Variants in ZNF354A observed in about 807,000 individuals in gnomAD.
ZNF354A encodes the protein zinc finger protein 354A.
In ZNF354A, 25 loss-of-function variants were observed where a neutral mutation model predicts 53.3. The observed-to-expected ratio is 0.47, with a 90% CI of 0.34 to 0.66. ZNF354A has a LOEUF of 0.66. Among genes scored for constraint, ZNF354A ranks in the 30% least tolerant of loss-of-function variants. The pLI is 0.01. For missense variants in ZNF354A, 586 were observed against 716.8 expected, an observed-to-expected ratio of 0.82 and a Z score of 2.08; for synonymous variants, 228 against 249.0, an observed-to-expected ratio of 0.92 and a Z score of 0.79.
In ZNF354A at chr5:178,712,427, T is replaced by C; in HGVS notation, c.1451A>G (p.His484Arg). The C allele has an allele frequency of 6.2e-7, 1 of 1,613,974 alleles. No individual in the cohort carries two copies. The highest frequency in any genetic ancestry group is 8.5e-7 in the Non-Finnish European group (1 of 1,179,876). Residue 484 changes from histidine to arginine, a missense_variant, in exon 5 of 5, where the codon CAT becomes CGT. His to Arg is a conservative substitution (Grantham distance 29, BLOSUM62 0). This residue lies in a region of ZNF354A where 573 missense variants were observed against 680.1 expected (regional missense o/e 0.84). Transcript: ENST00000335815. ...AFRQSSALIQ[H>R]QRMHTGERPY... is the part of the protein sequence containing the mutation. ...TCTTTCTCCAGTATGCATTCTCTGA[T>C]GTTGAATGAGAGCTGAACTCTGTCT...
At chr5:178,729,625 C>T (rs937294060) in intron 1 of ZNF354A, among the ~76,000 whole-genome samples, 41 of 151,702 alleles carry the variant, frequency 2.7e-4, no homozygotes, top group Non-Finnish European at 2.9e-4. Flanking sequence ...GTGGCAGGAT[C>T]TCGGCTCACT....
chr5:178,724,538 T>C (rs1765869597), intron 4 of ZNF354A, among the ~76,000 whole-genome samples: 1 of 152,174 alleles, frequency 6.6e-6, no homozygotes, highest in African/African-American at 2.4e-5. Context: ...TGCCTCACTT[T>C]CAAACACGAT....
chr5:178,719,685 C>T (rs1258108212), intron 4 of ZNF354A, among the ~76,000 whole-genome samples: 3 of 152,164 alleles, frequency 2.0e-5, no homozygotes, highest in Non-Finnish European at 4.4e-5. Context: ...CGGTGGCTCA[C>T]GCCTGTAATC....
intron 4 of ZNF354A, among the ~76,000 whole-genome samples, chr5:178,718,236 C>A (rs565484156): frequency 6.6e-6 from 1 of 152,168 alleles, no homozygotes; most frequent in South Asian, 2.1e-4. Context: ...TTTCTAGAGG[C>A]CTACAAATAG....
Position 178,713,333 on chromosome 5 carries a change from C to T in ZNF354A, c.545G>A (p.Arg182Lys). 1 of 1,614,082 alleles carries T rather than the reference C, an allele frequency of 6.2e-7. No homozygotes were observed. Residue 182 changes from arginine to lysine, a missense_variant, in exon 5 of 5, where the codon AGA becomes AAA. By Grantham distance (26) the Arg-to-Lys change is conservative. Transcript: ENST00000335815. ...SVLIRQQILP[R>K]EKTPPKCEIQ... is the part of the protein sequence containing the mutation. ...TTCACATTTTGGTGGTGTTTTTTCT[C>T]TGGGAAGTATCTGTTGCCTAATAAG...
chr5:178,717,157 C>T (rs1019108891), intron 4 of ZNF354A, among the ~76,000 whole-genome samples: 1 of 151,142 alleles, frequency 6.6e-6, no homozygotes, highest in Non-Finnish European at 1.5e-5. Flanking sequence ...TCCTCTAAGG[C>T]CCAGGTCATC....
rs117585865 is a variant in ZNF354A at position 178,723,285 on chromosome 5, T to G, written c.256+2091A>C. Among the ~76,000 whole-genome samples, 97 of 152,306 alleles carry G rather than the reference T, an allele frequency of 6.4e-4. 1 individual carries two copies. The East Asian group carries it at 0.018, about 28-fold the overall frequency. ...GGCCCATGGCATAAGGGGCCATCAC[T>G]GAGCCCTCTGGACCTGACAAGCCCT... is the stretch of plus-strand genomic sequence containing the variant. On this transcript the variant is annotated intron_variant, in intron 4 of 4. Coordinates refer to ENST00000335815, the MANE Select transcript of ZNF354A (RefSeq NM_005649.3).
chr5:178,730,474 G>C (rs973179472), intron 1 of ZNF354A, 82 bp downstream of exon 1: 1 of 152,158 alleles, frequency 6.6e-6, no homozygotes, highest in Admixed American at 6.5e-5. Context: ...CGCCCACAAA[G>C]GCTTTCGGAG....
At chr5:178,722,902 G>A (rs1467186847) in intron 4 of ZNF354A, among the ~76,000 whole-genome samples, 2 of 152,184 alleles carry the variant, frequency 1.3e-5, no homozygotes, top group Non-Finnish European at 1.5e-5. Context: ...GCCGAAGCCT[G>A]TGCAGCACAA....
intron 2 of ZNF354A, among the ~76,000 whole-genome samples, 167 bp from the exon 3 acceptor site, chr5:178,727,292 G>A (rs979290954): frequency 6.6e-6 from 1 of 152,112 alleles, no homozygotes; most frequent in Non-Finnish European, 1.5e-5. Flanking sequence ...AATGTATACT[G>A]AGCAGCACAC....
chr5:178,714,068 G>A (rs376495917), intron 4 of ZNF354A, among the ~76,000 whole-genome samples: 2 of 151,506 alleles, frequency 1.3e-5, no homozygotes, highest in Admixed American at 6.6e-5. Flanking sequence ...GTGCAGTGGC[G>A]CGATCTCGGC....
chr5:178,726,157 T>C (rs1021960828), intron 3 of ZNF354A: 3 of 453,594 alleles, frequency 6.6e-6, no homozygotes, highest in African/African-American at 6.1e-5. Context: ...GACTCCCTTT[T>C]AAGGATGGCA....
At chr5:178,727,443 T>G (rs1004802705) in intron 2 of ZNF354A, among the ~76,000 whole-genome samples, 1 of 152,206 alleles carries the variant, frequency 6.6e-6, no homozygotes, top group African/African-American at 2.4e-5. Context: ...CTCTTTAAAG[T>G]ACCAATTACT....
At chr5:178,727,296 A>G (rs925108799) in intron 2 of ZNF354A, among the ~76,000 whole-genome samples, 171 bp from the exon 3 acceptor site, 1 of 152,192 alleles carries the variant, frequency 6.6e-6, no homozygotes, top group Non-Finnish European at 1.5e-5. Context: ...TATACTGAGC[A>G]GCACACAGTG....
chr5:178,719,540 G>A (rs1011023799), intron 4 of ZNF354A, among the ~76,000 whole-genome samples: 3 of 152,232 alleles, frequency 2.0e-5, no homozygotes, highest in African/African-American at 7.2e-5. Flanking sequence ...TAGCACAAGG[G>A]CTGAAGGCAG....
At chr5:178,725,982 G>A (rs1765897861) in intron 3 of ZNF354A, 1 of 291,250 alleles carries the variant, frequency 3.4e-6, no homozygotes, top group East Asian at 9.1e-5. Context: ...CAAGTAGCGG[G>A]GACTACAGGA....
Position 178,725,445 on chromosome 5 carries a change from T to A in ZNF354A, c.187A>T (p.Ile63Phe), listed in dbSNP as rs1279891667. 1.9e-6 allele frequency: 3 copies of A among 1,614,162 alleles called. No individual in the cohort carries two copies. In the South Asian group the frequency reaches 3.3e-5, roughly 18 times the overall value. The change falls in exon 4 of 5, where the codon ATC (isoleucine) becomes TTC (phenylalanine). Residue 63 changes from isoleucine to phenylalanine, a missense_variant. By Grantham distance (21) the Ile-to-Phe change is conservative. Around this residue, in one of 2 missense-constraint regions of ZNF354A, gnomAD observed 573 missense variants for 680.1 expected, o/e 0.84. Transcript: ENST00000335815. ...LGLPFTKPKV[I>F]SLLQQGEDPW... ...TCTTCTCCTTGCTGCAACAGGGAGATCACTTTTGGTTTGGTAAATGGGAGC... is the reference window on the plus strand; with the variant it reads ...TCTTCTCCTTGCTGCAACAGGGAGAACACTTTTGGTTTGGTAAATGGGAGC...
chr5:178,718,591 A>G (rs1765756479), intron 4 of ZNF354A, among the ~76,000 whole-genome samples: 2 of 152,296 alleles, frequency 1.3e-5, no homozygotes, highest in Middle Eastern at 3.4e-3. Flanking sequence ...GCCTGTCCAA[A>G]TCTGAACCCA....
At chr5:178,729,573 C>T (rs1765987445) in intron 1 of ZNF354A, among the ~76,000 whole-genome samples, 1 of 147,242 alleles carries the variant, frequency 6.8e-6, no homozygotes, top group Non-Finnish European at 1.5e-5. Flanking sequence ...TTTTTTGAGG[C>T]GGAGTCTCGC....
Sources: gnomAD v4.1 joint callset for allele counts (sites outside exome capture counted in the v4.1 genomes callset) on GRCh38, gnomAD v4.1.1 for gene constraint, gnomAD v4.1.1 regional missense constraint, MANE v1.5 for transcripts, NCBI Gene and HGNC (gene_info 2026-07-23, HGNC 2026-07-21) for gene names.